The following NEDD9 variants were observed in gnomAD, a reference collection of about 807,000 sequenced individuals.
NEDD9 encodes the protein neural precursor cell expressed, developmentally down-regulated 9.
Under a neutral mutation model 76.6 loss-of-function variants are expected in NEDD9, and 26 were observed. The ratio of observed to expected loss-of-function variants is 0.34; its 90% CI spans 0.25 to 0.47. The LOEUF is 0.47. Among genes scored for constraint, NEDD9 ranks in the 20% least tolerant of loss-of-function variants. The pLI is 1.00. For synonymous variants in NEDD9, 392 were observed against 414.2 expected, an observed-to-expected ratio of 0.95 and a Z score of 0.65; for missense variants, 937 against 1,058.5, an observed-to-expected ratio of 0.89 and a Z score of 1.59.
intron 3 of NEDD9, among the ~76,000 whole-genome samples, chr6:11,301,486 G>A (rs780485581): frequency 2.6e-5 from 4 of 152,154 alleles, no homozygotes; most frequent in African/African-American, 4.8e-5. Flanking sequence ...AGGATATCGA[G>A]GGCTTGAACT....
chr6:11,246,345 C>T (rs1177547345), intron 3 of NEDD9, among the ~76,000 whole-genome samples: 1 of 152,198 alleles, frequency 6.6e-6, no homozygotes, highest in Non-Finnish European at 1.5e-5. Context: ...TCCTCCCTGA[C>T]AGGCTCAGTC....
chr6:11,248,678 G>A (rs1399654550), intron 3 of NEDD9, among the ~76,000 whole-genome samples: 8 of 152,116 alleles, frequency 5.3e-5, no homozygotes, highest in South Asian at 4.1e-4. Flanking sequence ...GGCCTGACAC[G>A]TCCCCAAGGC....
chr6:11,314,071 C>G (rs1225820597), intron 2 of NEDD9, among the ~76,000 whole-genome samples: 2 of 152,108 alleles, frequency 1.3e-5, no homozygotes, highest in Non-Finnish European at 2.9e-5. Flanking sequence ...AATTTGTAAG[C>G]CTTTTAAAGA....
chr6:11,296,679 CCCTT>C (rs529125193), intron 3 of NEDD9, among the ~76,000 whole-genome samples: 6,545 of 92,728 alleles, frequency 0.071, 248 homozygotes, highest in Middle Eastern at 0.096. Flanking sequence ...CCTTTCCTTT[CCCTT>C]CCTTCCTTCC....
intron 3 of NEDD9, among the ~76,000 whole-genome samples, chr6:11,245,401 G>T (rs1413834008): frequency 1.3e-5 from 2 of 152,184 alleles, no homozygotes; most frequent in African/African-American, 4.8e-5. Context: ...GCAGTGTTTT[G>T]TCTACCTGTA....
At chr6:11,192,768 AC>A (rs1758184166) in intron 3 of NEDD9, among the ~76,000 whole-genome samples, 4 of 150,596 alleles carry the variant, frequency 2.7e-5, no homozygotes, top group African/African-American at 9.8e-5. Flanking sequence ...CCCCATCTCT[AC>A]TAAAAATACA....
At chr6:11,197,098 C>T (rs907195362) in intron 2 of NEDD9, among the ~76,000 whole-genome samples, 1 of 152,140 alleles carries the variant, frequency 6.6e-6, no homozygotes, top group African/African-American at 2.4e-5. Flanking sequence ...AGACGCACAC[C>T]AAGGTCTGGT....
At chr6:11,291,696 C>T (rs1230174693) in intron 3 of NEDD9, among the ~76,000 whole-genome samples, 2 of 152,162 alleles carry the variant, frequency 1.3e-5, no homozygotes, top group Non-Finnish European at 2.9e-5. Context: ...TTGGATAATA[C>T]TTAACAGATA....
At chr6:11,220,158 C>T (rs1759096738) in intron 1 of NEDD9, among the ~76,000 whole-genome samples, 1 of 152,222 alleles carries the variant, frequency 6.6e-6, no homozygotes, top group Non-Finnish European at 1.5e-5. Context: ...CCACTAATCC[C>T]TGGCATCCTT....
chr6:11,378,652 A>T (rs1438780910), intron 1 of NEDD9, among the ~76,000 whole-genome samples: 1 of 152,214 alleles, frequency 6.6e-6, no homozygotes, highest in Non-Finnish European at 1.5e-5. Flanking sequence ...ATAAAATGTT[A>T]CAATATTTAA....
chr6:11,185,430 C>A lies in NEDD9; in HGVS notation c.2237G>T (p.Ser746Ile), dbSNP rs758922320. 26 of 1,614,096 alleles carry A rather than the reference C, an allele frequency of 1.6e-5. No homozygotes were observed. In the South Asian group the frequency reaches 2.6e-4, roughly 16 times the overall value. Residue 746 changes from serine to isoleucine, a missense_variant, in exon 7 of 7, where the codon AGC (serine) becomes ATC (isoleucine). Physicochemically the swap from Ser to Ile is moderately radical, Grantham distance 142 (BLOSUM62 -2). Coordinates refer to ENST00000379446, the MANE Select transcript of NEDD9 (RefSeq NM_006403.4). ...GTGTGCACTGAGGATGACAAACTTGCTGTGTGCCACGAAGATTCGCGGGGG... is the reference window on the plus strand; with the variant it reads ...GTGTGCACTGAGGATGACAAACTTGATGTGTGCCACGAAGATTCGCGGGGG... The part of the protein sequence containing the change: ...AQPPRIFVAH[S>I]KFVILSAHKL...
intron 3 of NEDD9, among the ~76,000 whole-genome samples, chr6:11,276,416 T>C (rs965783107): frequency 6.6e-6 from 1 of 152,218 alleles, no homozygotes; most frequent in African/African-American, 2.4e-5. Flanking sequence ...TGCACGTGTG[T>C]GTGCGCACGC....
At chr6:11,354,909 A>G (rs1297331922) in intron 1 of NEDD9, among the ~76,000 whole-genome samples, 2 of 152,158 alleles carry the variant, frequency 1.3e-5, no homozygotes, top group Non-Finnish European at 2.9e-5. Context: ...GTGGAGCTGC[A>G]TGTGACCATC....
intron 3 of NEDD9, among the ~76,000 whole-genome samples, chr6:11,291,719 T>G (rs1380699418): frequency 1.3e-5 from 2 of 152,174 alleles, no homozygotes; most frequent in Non-Finnish European, 2.9e-5. Flanking sequence ...GTTGCATAGT[T>G]TCAGTGTAAC....
intron 3 of NEDD9, among the ~76,000 whole-genome samples, chr6:11,269,448 G>A (rs760457693): frequency 4.5e-4 from 69 of 152,330 alleles, no homozygotes; most frequent in Non-Finnish European, 9.3e-4. Context: ...GAGATTGGCA[G>A]AGGGGATATC....
At chr6:11,233,181 C>T (rs748163269), upstream of NEDD9, 35 of 514,194 alleles carry the variant, frequency 6.8e-5, no homozygotes, top group Middle Eastern at 6.3e-4. Context: ...CCCCCTCCTC[C>T]CGCCTACTTT....
At chr6:11,200,064 C>A in intron 2 of NEDD9, 1 of 211,390 alleles carries the variant, frequency 4.7e-6, no homozygotes, top group Non-Finnish European at 1.0e-5. Context: ...GGTGAGATTG[C>A]TTTTCAAGCC....
At chr6:11,249,157 TG>T (rs1326668172) in intron 3 of NEDD9, 1 of 455,956 alleles carries the variant, frequency 2.2e-6, no homozygotes, top group East Asian at 6.9e-5. Context: ...CAATGGACTT[TG>T]AGTAAAGCAG....
rs779215795 is a variant in NEDD9 at position 11,185,420 on chromosome 6, G to A, written c.2247C>T (p.Val749=). ...ACACCAGTTTGTGTGCACTGAGGAT[G>A]ACAAACTTGCTGTGTGCCACGAAGA... ...PRIFVAHSKF[V]ILSAHKLVFI... is the part of the protein sequence containing the mutation. Residue 749 remains valine, a synonymous_variant, in exon 7 of 7, where the codon GTC becomes GTT. Coordinates refer to ENST00000379446, the MANE Select transcript of NEDD9 (RefSeq NM_006403.4). The A allele has an allele frequency of 2.5e-6, 4 of 1,614,240 alleles. 1 individual carries two copies. Among genetic ancestry groups the A allele is most frequent in the Middle Eastern group, 1.6e-4 (1 of 6,062 alleles).
Sources: allele counts gnomAD v4.1 joint callset (sites outside exome capture counted in the v4.1 genomes callset), GRCh38; gene constraint gnomAD v4.1.1; transcripts MANE v1.5; gene names NCBI Gene and HGNC (gene_info 2026-07-23, HGNC 2026-07-21).